Variants in GALNT17 observed in about 807,000 individuals in gnomAD.
GALNT17 encodes the protein UDP-GalNAc:polypeptide N-acetylgalactosaminyltransferase-like 3.
Under a neutral mutation model 63.7 loss-of-function variants are expected in GALNT17, and 29 were observed. The observed-to-expected ratio is 0.46, with a 90% confidence interval of 0.34 to 0.62. GALNT17 has a LOEUF of 0.62. GALNT17 is among the 20% of genes least tolerant of loss of function. GALNT17 has a pLI of 0.01. For synonymous variants in GALNT17, 305 were observed against 318.3 expected (o/e 0.96, Z 0.45); for missense variants, 603 against 799.6 (o/e 0.75, Z 2.97).
intron 2 of GALNT17, among the ~76,000 whole-genome samples, chr7:71,374,241 C>A (rs1349851573): frequency 1.3e-5 from 2 of 152,222 alleles, no homozygotes; most frequent in Admixed American, 6.5e-5. Flanking sequence ...AGTCTACCCA[C>A]CACTTTCTTG....
At chr7:71,187,809 G>C (rs1431633397) in intron 1 of GALNT17, among the ~76,000 whole-genome samples, 1 of 152,074 alleles carries the variant, frequency 6.6e-6, no homozygotes, top group African/African-American at 2.4e-5. Context: ...ATTCCTTAGT[G>C]GTGATTTGTG....
At chr7:71,420,229 C>G (rs573154823) in intron 4 of GALNT17, among the ~76,000 whole-genome samples, 1 of 152,184 alleles carries the variant, frequency 6.6e-6, no homozygotes, top group South Asian at 2.1e-4. Flanking sequence ...AGATTCCTGA[C>G]GAATTACCTG....
chr7:71,528,832 T>G (rs563524806), intron 5 of GALNT17, among the ~76,000 whole-genome samples: 1 of 152,158 alleles, frequency 6.6e-6, no homozygotes, highest in East Asian at 1.9e-4. Context: ...ATTTTTACAG[T>G]GGTTAAAAAA....
At chr7:71,662,332 ATCTGTCTG>A (rs66585053) in intron 6 of GALNT17, among the ~76,000 whole-genome samples, 3 of 151,110 alleles carry the variant, frequency 2.0e-5, no homozygotes, top group Non-Finnish European at 4.4e-5. Flanking sequence ...CTATCTATCT[ATCTGTCTG>A]TCTGTCTGTC....
At chr7:71,462,309 C>T (rs1357025911) in intron 5 of GALNT17, among the ~76,000 whole-genome samples, 5 of 152,208 alleles carry the variant, frequency 3.3e-5, no homozygotes, top group Non-Finnish European at 7.3e-5. Flanking sequence ...CTAAGGAAGA[C>T]TTTATTCAAG....
intron 6 of GALNT17, among the ~76,000 whole-genome samples, chr7:71,639,522 C>T (rs1041602333): frequency 2.6e-5 from 4 of 152,074 alleles, no homozygotes; most frequent in Non-Finnish European, 5.9e-5. Context: ...AGCGATTGCA[C>T]GAGGAGGGCT....
chr7:71,685,437 G>T (rs533696188), intron 9 of GALNT17: 3 of 152,282 alleles, frequency 2.0e-5, no homozygotes, highest in East Asian at 3.9e-4. Flanking sequence ...TGGGGCCTAG[G>T]ATTCCACATC....
chr7:71,330,790 G>A (rs1173790741), intron 1 of GALNT17, among the ~76,000 whole-genome samples: 1 of 152,184 alleles, frequency 6.6e-6, no homozygotes, highest in African/African-American at 2.4e-5. Context: ...CTGAGAGGCC[G>A]TGCATATAGA....
chr7:71,616,644 A>G (rs995436228), intron 6 of GALNT17, among the ~76,000 whole-genome samples: 10 of 144,080 alleles, frequency 6.9e-5, no homozygotes, highest in African/African-American at 2.3e-4. Flanking sequence ...ATATAAATAT[A>G]TAATGTATAA....
intron 6 of GALNT17, among the ~76,000 whole-genome samples, chr7:71,650,441 G>T (rs1283105438): frequency 6.6e-6 from 1 of 152,122 alleles, no homozygotes; most frequent in Non-Finnish European, 1.5e-5. Flanking sequence ...TAGAGACAAG[G>T]TTTTGTCATG....
intron 5 of GALNT17, among the ~76,000 whole-genome samples, chr7:71,546,092 T>TCAACAA (rs369535513): frequency 4.6e-5 from 7 of 151,184 alleles, no homozygotes; most frequent in Non-Finnish European, 7.4e-5. Flanking sequence ...AGACCCTGTC[T>TCAACAA]CAACAACAAC....
At chr7:71,139,677 G>A (rs1787850210) in intron 1 of GALNT17, among the ~76,000 whole-genome samples, 1 of 152,030 alleles carries the variant, frequency 6.6e-6, no homozygotes, top group Non-Finnish European at 1.5e-5. Flanking sequence ...GCTCTCACAG[G>A]TCTCCAAGGT....
chr7:71,431,173 T>A (rs968323209), intron 5 of GALNT17, among the ~76,000 whole-genome samples: 3 of 151,770 alleles, frequency 2.0e-5, no homozygotes, highest in African/African-American at 7.3e-5. Context: ...TCGCTCCTCA[T>A]TCTCACCCTA....
At chr7:71,539,766 G>C (rs964880475) in intron 5 of GALNT17, among the ~76,000 whole-genome samples, 1 of 119,142 alleles carries the variant, frequency 8.4e-6, no homozygotes, top group African/African-American at 3.2e-5. Context: ...CTGGGCGCAT[G>C]ATCACAGCTC....
At chr7:71,565,921 G>A (rs551951888) in intron 5 of GALNT17, among the ~76,000 whole-genome samples, 2 of 147,270 alleles carry the variant, frequency 1.4e-5, no homozygotes, top group South Asian at 4.3e-4. Flanking sequence ...TCGGCTCACT[G>A]CAACCTCTGC....
intron 5 of GALNT17, among the ~76,000 whole-genome samples, chr7:71,551,097 T>A (rs1260556519): frequency 6.6e-6 from 1 of 152,126 alleles, no homozygotes; most frequent in African/African-American, 2.4e-5. Flanking sequence ...TGGTGTCAGA[T>A]CTTATCATTG....
chr7:71,646,666 G>A (rs1790680154), intron 6 of GALNT17, among the ~76,000 whole-genome samples: 1 of 151,944 alleles, frequency 6.6e-6, no homozygotes, highest in Admixed American at 6.6e-5. Context: ...TCCTATGCTT[G>A]GACCATGCTT....
At chr7:71,153,315 T>C (rs1788167405) in intron 1 of GALNT17, among the ~76,000 whole-genome samples, 1 of 152,176 alleles carries the variant, frequency 6.6e-6, no homozygotes, top group Admixed American at 6.5e-5. Flanking sequence ...ACGCCTGTAA[T>C]AGGAGAATGT....
intron 1 of GALNT17, among the ~76,000 whole-genome samples, chr7:71,193,300 G>A (rs1202659): frequency 0.51 from 77,316 of 151,306 alleles, 23,725 homozygotes; most frequent in African/African-American, 0.86. Context: ...GGGTCTTGCT[G>A]TATTGCCCTG....
Sources: gnomAD v4.1 joint callset for allele counts (sites outside exome capture counted in the v4.1 genomes callset) on GRCh38, gnomAD v4.1.1 for gene constraint, MANE v1.5 for transcripts, NCBI Gene and HGNC (gene_info 2026-07-23, HGNC 2026-07-21) for gene names.